Variants in ANKIB1 observed in about 807,000 individuals in gnomAD.
ANKIB1 encodes ankyrin repeat and IBR domain-containing protein 1.
In ANKIB1, 43 loss-of-function variants were observed where a neutral mutation model predicts 122.1. The ratio of observed to expected loss-of-function variants is 0.35; its 90% CI spans 0.28 to 0.45. ANKIB1 has a LOEUF of 0.45. Ranked by LOEUF, ANKIB1 falls within the 20% of genes least tolerant of loss-of-function variation. The pLI is 1.00. For missense variants in ANKIB1, 992 were observed against 1,329.5 expected (o/e 0.75, Z 3.95); for synonymous variants, 390 against 442.0 (o/e 0.88, Z 1.48).
In ANKIB1 at chr7:92,295,143, A is replaced by G; in HGVS notation, c.165A>G (p.Arg55=). Residue 55 remains arginine, a synonymous_variant, in exon 2 of 20, where the codon AGA becomes AGG. Coordinates refer to ENST00000265742, the MANE Select transcript of ANKIB1 (RefSeq NM_019004.2). The part of the protein sequence containing the change: ...QHNTPLHYAA[R]HGMNKILGTF... ...ATACTCCATTACATTATGCTGCTAG[A>G]CATGGAATGAATAAAATATTAGGGT... is the stretch of plus-strand genomic sequence containing the variant. 1 of 1,556,490 alleles carries G rather than the reference A, an allele frequency of 6.4e-7. No individual in the cohort carries two copies. The highest frequency in any genetic ancestry group is 8.7e-7 in the Non-Finnish European group (1 of 1,149,260).
At chr7:92,397,543 A>G (rs998744285) in intron 18 of ANKIB1, among the ~76,000 whole-genome samples, 180 bp from the exon 19 acceptor site, 2 of 152,028 alleles carry the variant, frequency 1.3e-5, no homozygotes, top group Non-Finnish European at 2.9e-5. Flanking sequence ...TATATATATT[A>G]TTCTTCATGG....
intron 1 of ANKIB1, among the ~76,000 whole-genome samples, chr7:92,258,020 T>G (rs1801484889): frequency 6.6e-6 from 1 of 152,206 alleles, no homozygotes; most frequent in African/African-American, 2.4e-5. Flanking sequence ...CTCTGAAATG[T>G]GACTTGACAT....
intron 9 of ANKIB1, among the ~76,000 whole-genome samples, chr7:92,361,211 G>C (rs1210460918): frequency 2.6e-5 from 4 of 152,078 alleles, no homozygotes; most frequent in Non-Finnish European, 4.4e-5. Context: ...CTTTAGGCTC[G>C]TTTTAGTGTT....
chr7:92,351,593 T>G (rs1036569899), intron 8 of ANKIB1, among the ~76,000 whole-genome samples: 4 of 152,158 alleles, frequency 2.6e-5, no homozygotes, highest in East Asian at 3.8e-4. Flanking sequence ...TTTTCAGAAG[T>G]TGTAAGTGTA....
rs141965595 is a variant in ANKIB1 at position 92,380,840 on chromosome 7, G to A, written c.1618-5669G>A. 1.4e-3 allele frequency among the ~76,000 whole-genome samples: 207 copies of A among 152,270 alleles called. 1 individual carries two copies. Among genetic ancestry groups the A allele is most frequent in the Non-Finnish European group, 2.7e-3 (185 of 68,012 alleles). ...AGCTGAAAATTCTAAAAACCAGAGCGCCCCATCTCCTCCAGAGGATTGCAG... is the reference window on the plus strand; with the variant it reads ...AGCTGAAAATTCTAAAAACCAGAGCACCCCATCTCCTCCAGAGGATTGCAG... On this transcript the variant is annotated intron_variant, in intron 11 of 19. Transcript: ENST00000265742.
At chr7:92,396,691 A>G (rs1336023460) in intron 18 of ANKIB1, among the ~76,000 whole-genome samples, 2 of 152,238 alleles carry the variant, frequency 1.3e-5, no homozygotes. Flanking sequence ...TCTCTGCTGC[A>G]TATTAGCTGT....
At position 92,400,808 on chromosome 7, in the gene ANKIB1, TTATC is replaced by T. The variant is rs1384829555; in HGVS notation, c.*1862_*1865del. Reference sequence around the variant, plus strand: ...TAAATTAGTGGGGGGAATATTAACTTTATCTACAGTGTATTACTGTATATTAAAC... The same window carrying T: ...TAAATTAGTGGGGGGAATATTAACTTTACAGTGTATTACTGTATATTAAAC... On this transcript the variant is annotated 3_prime_UTR_variant, in exon 20 of 20. Coordinates refer to ENST00000265742, the MANE Select transcript of ANKIB1 (RefSeq NM_019004.2). 3 of 152,250 alleles carry T rather than the reference TTATC, an allele frequency of 2.0e-5. No individual in the cohort carries two copies. The highest frequency in any genetic ancestry group is 4.4e-5 in the Non-Finnish European group (3 of 68,046). 9.4% of individuals were successfully genotyped at this position (152,250 alleles called of 1,614,324 possible).
chr7:92,317,481 A>G (rs924153881), intron 3 of ANKIB1, among the ~76,000 whole-genome samples: 1 of 152,204 alleles, frequency 6.6e-6, no homozygotes, highest in East Asian at 1.9e-4. Flanking sequence ...GACAACTTAG[A>G]GCCATTCTTA....
intron 1 of ANKIB1, among the ~76,000 whole-genome samples, chr7:92,267,444 T>C (rs569276792): frequency 6.6e-6 from 1 of 152,194 alleles, no homozygotes; most frequent in Non-Finnish European, 1.5e-5. Context: ...AGTTTTACCA[T>C]TGTGGTTCTT....
intron 17 of ANKIB1, among the ~76,000 whole-genome samples, chr7:92,395,001 G>A (rs796319383): frequency 3.9e-5 from 6 of 152,220 alleles, no homozygotes; most frequent in African/African-American, 1.2e-4. Flanking sequence ...GAATATTCTA[G>A]GGTAACCAGG....
chr7:92,251,432 A>G (rs1801328288), intron 1 of ANKIB1, among the ~76,000 whole-genome samples: 1 of 152,212 alleles, frequency 6.6e-6, no homozygotes, highest in Admixed American at 6.5e-5. Flanking sequence ...GCCTTAGGCA[A>G]TAGGTGATTC....
chr7:92,252,205 T>G (rs1284035037), intron 1 of ANKIB1, among the ~76,000 whole-genome samples: 1 of 152,184 alleles, frequency 6.6e-6, no homozygotes, highest in East Asian at 1.9e-4. Flanking sequence ...TTAGTGTTTG[T>G]GGAGATGTAT....
At chr7:92,261,193 CA>C (rs1168398360) in intron 1 of ANKIB1, among the ~76,000 whole-genome samples, 4 of 151,304 alleles carry the variant, frequency 2.6e-5, no homozygotes, top group African/African-American at 7.3e-5. Context: ...ACTAAAAATA[CA>C]AAAAATTAGC....
intron 11 of ANKIB1, among the ~76,000 whole-genome samples, chr7:92,373,387 A>G (rs533801255): frequency 6.6e-6 from 1 of 152,296 alleles, no homozygotes; most frequent in South Asian, 2.1e-4. Context: ...TAAATACTTG[A>G]TAAATATGTA....
At chr7:92,287,761 C>T (rs986858788) in intron 1 of ANKIB1, among the ~76,000 whole-genome samples, 1 of 151,962 alleles carries the variant, frequency 6.6e-6, no homozygotes, top group Admixed American at 6.6e-5. Context: ...AAAGGCCAGG[C>T]GTGGTGGCTC....
At chr7:92,297,066 T>C (rs940198314) in intron 2 of ANKIB1, among the ~76,000 whole-genome samples, 4 of 152,236 alleles carry the variant, frequency 2.6e-5, no homozygotes, top group Non-Finnish European at 5.9e-5. Flanking sequence ...AAATGTTTAT[T>C]GAGGGCTTAC....
chr7:92,379,576 T>TA (rs917899369), intron 11 of ANKIB1, among the ~76,000 whole-genome samples: 3 of 151,954 alleles, frequency 2.0e-5, no homozygotes, highest in African/African-American at 7.3e-5. Flanking sequence ...TAGACAAAGA[T>TA]ACGTGGGAAT....
chr7:92,393,054 A>G (rs1211085274), intron 17 of ANKIB1, among the ~76,000 whole-genome samples: 1 of 152,110 alleles, frequency 6.6e-6, no homozygotes, highest in Non-Finnish European at 1.5e-5. Flanking sequence ...CTATAATATG[A>G]TAACCCTTCA....
intron 2 of ANKIB1, 29 bp downstream of exon 2, chr7:92,295,195 T>C (rs1230271150): frequency 2.8e-6 from 4 of 1,453,368 alleles, no homozygotes; most frequent in South Asian, 3.0e-5. Flanking sequence ...TAATTGGTAT[T>C]AGGGTATTAC....
Sources: allele counts gnomAD v4.1 joint callset (sites outside exome capture counted in the v4.1 genomes callset), GRCh38; gene constraint gnomAD v4.1.1; transcripts MANE v1.5; gene names NCBI Gene and HGNC (gene_info 2026-07-23, HGNC 2026-07-21).